Variants in CCDC171 observed in about 807,000 individuals in gnomAD.
The protein encoded by CCDC171 is coiled-coil domain-containing protein 171.
Under a neutral mutation model 168.2 loss-of-function variants are expected in CCDC171, and 177 were observed. The ratio of observed to expected loss-of-function variants is 1.05; its 90% CI spans 0.93 to 1.19. CCDC171 has a LOEUF of 1.19. CCDC171 is among the 50% of genes most tolerant of loss of function. The probability of loss-of-function intolerance (pLI) is 0.00; values close to 1 mark genes in which losing one functional copy is unlikely to be tolerated. For missense variants in CCDC171, 1,991 were observed against 1,539.0 expected, an observed-to-expected ratio of 1.29 and a Z score of -4.91; for synonymous variants, 687 against 540.8, an observed-to-expected ratio of 1.27 and a Z score of -3.75.
chr9:15,938,550 A>T (rs961117), intron 25 of CCDC171, among the ~76,000 whole-genome samples: 1 of 151,724 alleles, frequency 6.6e-6, no homozygotes, highest in East Asian at 2.0e-4. Flanking sequence ...TTCCTTTTGA[A>T]GTTACTTTAT....
the CCDC171 span, among the ~76,000 whole-genome samples, chr9:16,088,449 A>T: frequency 6.6e-6 from 1 of 152,232 alleles, no homozygotes; most frequent in Non-Finnish European, 1.5e-5. Context: ...TGCAAATGAC[A>T]TGATTGTATA....
chr9:16,093,269 C>G, the CCDC171 span, among the ~76,000 whole-genome samples: 4 of 152,192 alleles, frequency 2.6e-5, no homozygotes, highest in Admixed American at 2.0e-4. Flanking sequence ...CTCACTGATC[C>G]TTATCCTGAC....
intron 1 of CCDC171, among the ~76,000 whole-genome samples, chr9:15,559,009 G>A (rs916940613): frequency 6.6e-6 from 1 of 152,168 alleles, no homozygotes; most frequent in Non-Finnish European, 1.5e-5. Flanking sequence ...TCATTCAGGA[G>A]CAGGTTGTTC....
intron 21 of CCDC171, among the ~76,000 whole-genome samples, chr9:15,794,575 G>A (rs373472035): frequency 6.7e-6 from 1 of 149,248 alleles, no homozygotes; most frequent in African/African-American, 2.5e-5. Context: ...CACTTATTCT[G>A]TTGGCATCTT....
chr9:15,603,986 C>G (rs905740168), intron 6 of CCDC171, among the ~76,000 whole-genome samples: 1 of 152,174 alleles, frequency 6.6e-6, no homozygotes, highest in South Asian at 2.1e-4. Context: ...TTTTGACTTG[C>G]ATTTCTCTGA....
At chr9:15,955,403 G>T (rs966930694) in intron 25 of CCDC171, among the ~76,000 whole-genome samples, 11 of 152,172 alleles carry the variant, frequency 7.2e-5, no homozygotes, top group African/African-American at 2.7e-4. Context: ...CCTGCCTTTT[G>T]GTACCTCTGT....
chr9:15,881,181 C>G (rs1354438665), intron 24 of CCDC171, among the ~76,000 whole-genome samples: 2 of 152,118 alleles, frequency 1.3e-5, no homozygotes, highest in Non-Finnish European at 2.9e-5. Flanking sequence ...GAATTCTACT[C>G]TGAAGATTTC....
At chr9:15,691,968 C>T (rs2133702452) in intron 10 of CCDC171, among the ~76,000 whole-genome samples, 1 of 152,242 alleles carries the variant, frequency 6.6e-6, no homozygotes, top group Admixed American at 6.5e-5. Context: ...GCCATTGCAC[C>T]CAGCCTTTCA....
At chr9:15,619,749 G>A (rs1397757676) in intron 6 of CCDC171, among the ~76,000 whole-genome samples, 5 of 152,192 alleles carry the variant, frequency 3.3e-5, no homozygotes, top group Non-Finnish European at 4.4e-5. Context: ...TCTACTGGAA[G>A]GTGTCATCTA....
chr9:15,638,742 G>A (rs1023380315), intron 7 of CCDC171, among the ~76,000 whole-genome samples: 2 of 151,440 alleles, frequency 1.3e-5, no homozygotes, highest in South Asian at 4.2e-4. Flanking sequence ...ATCTTAACAT[G>A]GATCAATGCT....
At chr9:15,708,892 A>T (rs771580805) in intron 11 of CCDC171, among the ~76,000 whole-genome samples, 3 of 152,210 alleles carry the variant, frequency 2.0e-5, no homozygotes, top group African/African-American at 7.2e-5. Context: ...ATTGATTCAG[A>T]GTAGAACTTT....
At position 16,048,905 on chromosome 9, in the gene CCDC171, G is replaced by A. The variant is rs143456121; in HGVS notation, n.89+6019G>A. Among the ~76,000 whole-genome samples, 7 of 147,636 alleles carry A rather than the reference G, an allele frequency of 4.7e-5. No individual in the cohort carries two copies. In the East Asian group the frequency reaches 1.2e-3, roughly 25 times the overall value. ...GCATTTAGACCACACAATAGGCTGAGAGACAGAAGTGATGAGTTTGGTGCC... is the reference window on the plus strand; with the variant it reads ...GCATTTAGACCACACAATAGGCTGAAAGACAGAAGTGATGAGTTTGGTGCC... On this transcript the variant is annotated intron_variant and non_coding_transcript_variant, in intron 1 of 1. Transcript: ENST00000478913.
At chr9:15,695,193 A>G (rs2051121209) in intron 10 of CCDC171, 42 bp from the exon 11 acceptor site, 1 of 1,317,992 alleles carries the variant, frequency 7.6e-7, no homozygotes, top group African/African-American at 1.4e-5. Flanking sequence ...TGCAGCTCTT[A>G]TAATACGTGA....
At chr9:15,861,973 C>T (rs963679591) in intron 23 of CCDC171, among the ~76,000 whole-genome samples, 1 of 151,770 alleles carries the variant, frequency 6.6e-6, no homozygotes, top group Non-Finnish European at 1.5e-5. Flanking sequence ...TTTTATGTTT[C>T]CTTCATTTTT....
intron 1 of CCDC171, among the ~76,000 whole-genome samples, chr9:15,563,731 G>T (rs1252017443): frequency 6.6e-6 from 1 of 152,118 alleles, no homozygotes; most frequent in Non-Finnish European, 1.5e-5. Context: ...AATCACTGTT[G>T]TAAAGATCCT....
intron 18 of CCDC171, among the ~76,000 whole-genome samples, chr9:15,753,948 G>C (rs1278563030): frequency 1.3e-5 from 2 of 152,064 alleles, no homozygotes; most frequent in Non-Finnish European, 2.9e-5. Context: ...GACCATCTGA[G>C]CTTTTAGAAT....
chr9:15,802,260 A>G (rs1431283635), intron 21 of CCDC171, among the ~76,000 whole-genome samples: 1 of 151,494 alleles, frequency 6.6e-6, no homozygotes, highest in Non-Finnish European at 1.5e-5. Context: ...ATTATTTTCA[A>G]CTTTTAAGTT....
intron 3 of CCDC171, among the ~76,000 whole-genome samples, chr9:16,015,037 T>G (rs1299255914): frequency 6.6e-6 from 1 of 152,104 alleles, no homozygotes; most frequent in Non-Finnish European, 1.5e-5. Context: ...GTTGGTGTGC[T>G]GCACACCAAC....
At chr9:16,053,069 A>T in intron 1 of CCDC171, among the ~76,000 whole-genome samples, 1 of 152,188 alleles carries the variant, frequency 6.6e-6, no homozygotes, top group Non-Finnish European at 1.5e-5. Flanking sequence ...TCTCATATCC[A>T]CAGGAATAAT....
Sources: allele counts gnomAD v4.1 joint callset (sites outside exome capture counted in the v4.1 genomes callset), GRCh38; gene constraint gnomAD v4.1.1; transcripts MANE v1.5; gene names NCBI Gene and HGNC (gene_info 2026-07-23, HGNC 2026-07-21).